FCF1: variants seen among roughly 807,000 people sequenced by gnomAD.
The protein encoded by FCF1 is rRNA-processing protein FCF1 homolog.
In FCF1, 17 loss-of-function variants were observed where a neutral mutation model predicts 32.5. That is an observed-to-expected ratio of 0.52 (90% CI 0.36 to 0.78). The LOEUF (loss-of-function observed/expected upper bound fraction) is 0.78. FCF1 is among the 30% of genes least tolerant of loss of function. FCF1 has a pLI of 0.00. For missense variants in FCF1, 201 were observed against 241.1 expected, an observed-to-expected ratio of 0.83 and a Z score of 1.10; for synonymous variants, 84 against 78.4, an observed-to-expected ratio of 1.07 and a Z score of -0.38.
At chr14:74,717,715 T>C (rs1163586246) in intron 4 of FCF1, among the ~76,000 whole-genome samples, 1 of 152,212 alleles carries the variant, frequency 6.6e-6, no homozygotes, top group African/African-American at 2.4e-5. Context: ...CCAGGAATGC[T>C]GTGACCTACT....
chr14:74,735,188 G>A lies in FCF1; in HGVS notation c.*258G>A, dbSNP rs2090691260. The A allele has an allele frequency of 7.6e-6, 3 of 393,072 alleles. No individual in the cohort carries two copies. The highest frequency in any genetic ancestry group is 8.4e-5 in the East Asian group (2 of 23,912). The allele number at this position is 393,072 out of a possible 1,614,324, so 24.3% of individuals were successfully genotyped here. A position where few individuals can be genotyped will look rare whatever the true frequency, so the allele number is the denominator to read the frequency against. ...TCTGTGCAGGGGGAAGCATATTACA[G>A]AAGCAAGAAAGACAGTTATTCAATT... On this transcript the variant is annotated 3_prime_UTR_variant, in exon 8 of 8. Transcript: ENST00000341162.
At position 74,735,051 on chromosome 14, in the gene FCF1, A is replaced by T; in HGVS notation, c.*121A>T. The T allele has an allele frequency of 1.3e-6, 1 of 750,374 alleles. No homozygotes were observed. Among genetic ancestry groups the T allele is most frequent in the Non-Finnish European group, 2.3e-6 (1 of 439,892 alleles). 46.5% of individuals were successfully genotyped at this position (750,374 alleles called of 1,614,324 possible). ...AGAGACTGATGGAGTTCAGGGAGAT[A>T]TTTATTATTTAGGTGCACCAGCCCA... On this transcript the variant is annotated 3_prime_UTR_variant, in exon 8 of 8. Transcript: ENST00000341162.
chr14:74,734,484 T>TA (rs2140042126), intron 7 of FCF1, among the ~76,000 whole-genome samples: 1 of 151,966 alleles, frequency 6.6e-6, no homozygotes, highest in Admixed American at 6.6e-5. Context: ...GATTTTTTTT[T>TA]ATTAACACTT....
Position 74,735,154 on chromosome 14 carries a change from TG to T in FCF1, c.*230del. On this transcript the variant is annotated 3_prime_UTR_variant, in exon 8 of 8. Transcript: ENST00000341162. ...AAGCATTTTGTGGGGCCGCGGGGGTTGGGGGGAATCTGTGCAGGGGGAAGCA... is the reference window on the plus strand; with the variant it reads ...AAGCATTTTGTGGGGCCGCGGGGGTTGGGGGAATCTGTGCAGGGGGAAGCA... 2.7e-5 allele frequency: 7 copies of T among 258,608 alleles called. No homozygotes were observed. The highest frequency in any genetic ancestry group is 8.4e-5 in the East Asian group (1 of 11,950). 16.0% of individuals were successfully genotyped at this position (258,608 alleles called of 1,614,324 possible).
intron 5 of FCF1, among the ~76,000 whole-genome samples, chr14:74,724,147 C>CTTT (rs1207296667): frequency 3.3e-5 from 5 of 152,280 alleles, no homozygotes; most frequent in African/African-American, 1.2e-4. Context: ...TGGAGGGCAA[C>CTTT]TTGACAATAT....
At chr14:74,722,208 C>G (rs979401463) in intron 4 of FCF1, among the ~76,000 whole-genome samples, 3 of 151,946 alleles carry the variant, frequency 2.0e-5, no homozygotes, top group Admixed American at 2.0e-4. Context: ...AACACCATGC[C>G]CAGCTATTTT....
At chr14:74,733,734 C>G (rs1188220991) in intron 6 of FCF1, among the ~76,000 whole-genome samples, 1 of 152,052 alleles carries the variant, frequency 6.6e-6, no homozygotes, top group African/African-American at 2.4e-5. Context: ...CCATGGAGTT[C>G]CTCGGAGCAT....
At position 74,734,099 on chromosome 14, in the gene FCF1, A is replaced by T. The variant is rs751749089; in HGVS notation, c.477A>T (p.Thr159=). The T allele has an allele frequency of 3.1e-6, 5 of 1,613,404 alleles. No homozygotes were observed. In the African/African-American group the frequency reaches 6.7e-5, roughly 22 times the overall value. ...AGCATAAGTGTTACATTGTGGCCAC[A>T]GTTGACCGGGACCTGAAAAGAAGAA... is the stretch of plus-strand genomic sequence containing the variant. The part of the protein sequence containing the change: ...VTQHKCYIVA[T]VDRDLKRRIR... The change falls in exon 7 of 8, where the codon ACA becomes ACT. Residue 159 remains threonine, a synonymous_variant. Transcript: ENST00000341162.
intron 5 of FCF1, among the ~76,000 whole-genome samples, chr14:74,729,021 T>C (rs1340721929): frequency 6.6e-6 from 1 of 152,204 alleles, no homozygotes; most frequent in African/African-American, 2.4e-5. Flanking sequence ...TTATTGAGGA[T>C]TTTTGCATCA....
chr14:74,725,633 T>C (rs2140031705), intron 5 of FCF1, among the ~76,000 whole-genome samples: 1 of 151,744 alleles, frequency 6.6e-6, no homozygotes, highest in East Asian at 1.9e-4. Flanking sequence ...TACAAAACTT[T>C]AAAAATTTGC....
Position 74,723,319 on chromosome 14 carries a change from G to A in FCF1, c.340G>A (p.Gly114Arg), listed in dbSNP as rs1378598678. ...TGTAATGGCTGAAATTGAGAAATTG[G>A]GGCAGAAGTATCGAGTGGCTCTAAG... ...DCVMAEIEKL[G>R]QKYRVALRIA... The change falls in exon 5 of 8, where the codon GGG becomes AGG. Residue 114 changes from glycine (G) to arginine (R), a missense_variant. Coordinates refer to ENST00000341162, the MANE Select transcript of FCF1 (RefSeq NM_015962.5). 1 of 1,613,384 alleles carries A rather than the reference G, an allele frequency of 6.2e-7. No individual in the cohort carries two copies. Among genetic ancestry groups the A allele is most frequent in the Non-Finnish European group, 8.5e-7 (1 of 1,179,610 alleles).
chr14:74,721,641 C>T (rs1443092998), intron 4 of FCF1, among the ~76,000 whole-genome samples: 10 of 151,938 alleles, frequency 6.6e-5, no homozygotes, highest in Non-Finnish European at 1.3e-4. Flanking sequence ...GCAGAGATTA[C>T]GCCACTGCAC....
intron 4 of FCF1, among the ~76,000 whole-genome samples, chr14:74,722,457 CTATT>C (rs1566717502): frequency 1.3e-5 from 2 of 152,154 alleles, no homozygotes; most frequent in Non-Finnish European, 2.9e-5. Context: ...CATTTGCTAT[CTATT>C]TAGTTAACTT....
chr14:74,733,372 G>C (rs2090662323), intron 6 of FCF1, among the ~76,000 whole-genome samples: 1 of 133,648 alleles, frequency 7.5e-6, no homozygotes, highest in Non-Finnish European at 1.5e-5. Flanking sequence ...ATCTTCATCT[G>C]CTCTGCTGAC....
chr14:74,723,177 T>C (rs1006798810), intron 4 of FCF1, 95 bp from the exon 5 acceptor site: 2 of 849,664 alleles, frequency 2.4e-6, no homozygotes, highest in Non-Finnish European at 4.0e-6. Context: ...ATTGCAAAAG[T>C]GTCCTGGGTC....
At chr14:74,719,307 A>AAG (rs1566715903) in intron 4 of FCF1, among the ~76,000 whole-genome samples, 7 of 144,538 alleles carry the variant, frequency 4.8e-5, no homozygotes, top group Non-Finnish European at 1.1e-4. Context: ...AAAAAAAAAA[A>AAG]AAGAAGAAGA....
chr14:74,718,715 G>A (rs768628425), intron 4 of FCF1, among the ~76,000 whole-genome samples: 16 of 151,392 alleles, frequency 1.1e-4, no homozygotes, highest in Non-Finnish European at 1.9e-4. Flanking sequence ...CAAGCATTCC[G>A]CCCACTTTGG....
intron 6 of FCF1, among the ~76,000 whole-genome samples, chr14:74,733,262 C>T (rs943926597): frequency 6.6e-6 from 1 of 152,204 alleles, no homozygotes; most frequent in Non-Finnish European, 1.5e-5. Flanking sequence ...GATGCTGTTT[C>T]ACACATACCC....
chr14:74,719,341 G>A (rs2090468186), intron 4 of FCF1, among the ~76,000 whole-genome samples: 1 of 146,530 alleles, frequency 6.8e-6, no homozygotes, highest in Non-Finnish European at 1.5e-5. Flanking sequence ...GTTGGGCTGG[G>A]CGAGATCTTC....
Sources: gnomAD v4.1 joint callset for allele counts (sites outside exome capture counted in the v4.1 genomes callset) on GRCh38, gnomAD v4.1.1 for gene constraint, MANE v1.5 for transcripts, NCBI Gene and HGNC (gene_info 2026-07-23, HGNC 2026-07-21) for gene names.